The following USP20 variants were observed in gnomAD, a reference collection of about 807,000 sequenced individuals.
USP20 encodes the protein ubiquitin carboxyl-terminal hydrolase 20.
In USP20, 80 loss-of-function variants were observed where a neutral mutation model predicts 124.2. The observed-to-expected ratio is 0.64, with a 90% CI of 0.54 to 0.78. USP20 has a LOEUF of 0.78. Among genes scored for constraint, USP20 ranks in the 30% least tolerant of loss-of-function variants. The pLI, the probability that USP20 is intolerant of heterozygous loss-of-function variation, is 0.00. For missense variants in USP20, 1,043 were observed against 1,244.4 expected (o/e 0.84, Z 2.44); for synonymous variants, 481 against 512.3 (o/e 0.94, Z 0.83).
In USP20 at chr9:129,868,924, G is replaced by A. The variant is rs749069968; in HGVS notation, c.1198G>A (p.Glu400Lys). 24 of 1,612,198 alleles carry A rather than the reference G, an allele frequency of 1.5e-5. No homozygotes were observed. Among genetic ancestry groups the A allele is most frequent in the South Asian group, 8.8e-5 (8 of 90,856 alleles). ...SRPCSPVHHH[E>K]GHAKLSSSPP... ...CCCCTGCAGCCCCGTCCACCACCAC[G>A]AGGGCCATGCCAAGCTGTCTAGCAG... The change falls in exon 12 of 26, where the codon GAG becomes AAG. Residue 400 changes from glutamate to lysine, a missense_variant. Physicochemically the swap from Glu to Lys is moderately conservative, Grantham distance 56 (BLOSUM62 1). Transcript: ENST00000372429.
chr9:129,862,581 C>T (rs912228524), intron 8 of USP20, among the ~76,000 whole-genome samples: 1 of 151,294 alleles, frequency 6.6e-6, no homozygotes, highest in African/African-American at 2.4e-5. Context: ...TGACCGCACC[C>T]AATCCGTTTT....
chr9:129,879,348 C>T lies in USP20; in HGVS notation c.2513-225C>T. On this transcript the variant is annotated intron_variant, in intron 23 of 25. Transcript: ENST00000372429. The surrounding 1 kb of genome is among the most constrained non-coding windows in gnomAD (Gnocchi z 4.2). ...GGGCATGGGCCATCCACCGCAGCTCCTGCGGCCAGCACAGAGTCTGAGACC... is the reference window on the plus strand; with the variant it reads ...GGGCATGGGCCATCCACCGCAGCTCTTGCGGCCAGCACAGAGTCTGAGACC... 1 of 544,762 alleles carries T rather than the reference C, an allele frequency of 1.8e-6. No individual in the cohort carries two copies. The allele number at this position is 544,762 out of a possible 1,614,324, so 33.7% of individuals were successfully genotyped here.
intron 2 of USP20, among the ~76,000 whole-genome samples, 169 bp downstream of exon 2, chr9:129,850,093 G>A (rs1229088232): frequency 6.6e-6 from 1 of 152,020 alleles, no homozygotes; most frequent in African/African-American, 2.4e-5. Flanking sequence ...TCTGGGACTT[G>A]CTACAAAAGC....
chr9:129,863,807 G>A (rs1177761317), intron 9 of USP20, among the ~76,000 whole-genome samples: 4 of 152,178 alleles, frequency 2.6e-5, no homozygotes, highest in East Asian at 1.9e-4. Flanking sequence ...GTGTAGAAGC[G>A]GATGAAAAAC....
intron 1 of USP20, among the ~76,000 whole-genome samples, chr9:129,842,396 G>A (rs2032266596): frequency 6.6e-6 from 1 of 152,132 alleles, no homozygotes; most frequent in Admixed American, 6.5e-5. Context: ...TGAGGTTGAA[G>A]TATGGGACTC....
intron 12 of USP20, 112 bp downstream of exon 12, chr9:129,869,114 C>T (rs2033984500): frequency 2.1e-6 from 3 of 1,450,452 alleles, no homozygotes; most frequent in South Asian, 2.7e-5. Flanking sequence ...GGGCTCCTCT[C>T]AGGTACACCC....
intron 22 of USP20, among the ~76,000 whole-genome samples, chr9:129,876,719 C>T (rs534946937): frequency 3.9e-5 from 6 of 151,978 alleles, no homozygotes; most frequent in African/African-American, 1.4e-4. Context: ...AGGGCTTTTC[C>T]TGGTGGGAGG....
intron 1 of USP20, among the ~76,000 whole-genome samples, chr9:129,845,788 C>T (rs915792905): frequency 3.9e-5 from 6 of 152,112 alleles, no homozygotes; most frequent in African/African-American, 1.2e-4. Context: ...GTAGAAAATG[C>T]AGAAAAGCAA....
At chr9:129,876,673 G>C (rs1056031404) in intron 22 of USP20, among the ~76,000 whole-genome samples, 3 of 151,498 alleles carry the variant, frequency 2.0e-5, no homozygotes, top group Admixed American at 6.6e-5. Flanking sequence ...AAAGAAAGGA[G>C]TCTTCTGCGG....
chr9:129,863,664 A>ACTCCCCT (rs2033665440), intron 9 of USP20, among the ~76,000 whole-genome samples: 1 of 152,188 alleles, frequency 6.6e-6, no homozygotes, highest in Non-Finnish European at 1.5e-5. Context: ...GGGGCAGGGG[A>ACTCCCCT]GCACAGACTG....
At chr9:129,836,953 G>C (rs996393512) in intron 1 of USP20, among the ~76,000 whole-genome samples, 6 of 151,140 alleles carry the variant, frequency 4.0e-5, no homozygotes, top group African/African-American at 1.4e-4. Context: ...TCCACCAGGG[G>C]GTACTGGACA....
chr9:129,874,535 C>A (rs1430876387), intron 17 of USP20, 41 bp from the exon 18 acceptor site: 2 of 1,607,078 alleles, frequency 1.2e-6, no homozygotes, highest in African/African-American at 2.7e-5. Context: ...GGGCCCGCAT[C>A]ATTTCTTCCT....
At position 129,850,576 on chromosome 9, in the gene USP20, C is replaced by T. The variant is rs566409659; in HGVS notation, c.-17+652C>T. On this transcript the variant is annotated intron_variant, in intron 2 of 25. Transcript: ENST00000372429. ...TGACCATTTGGGACAGGGAGGGGCA[C>T]GTAAGGAGGAGTCTGGGGGTCCACC... Among the ~76,000 whole-genome samples the T allele has an allele frequency of 1.8e-4, 28 of 152,228 alleles. 1 individual carries two copies. In the East Asian group the frequency reaches 4.6e-3, roughly 25 times the overall value.
At position 129,873,530 on chromosome 9, in the gene USP20, C is replaced by T. The variant is rs1224153473; in HGVS notation, c.1694+15C>T. 1 of 1,614,158 alleles carries T rather than the reference C, an allele frequency of 6.2e-7. No individual in the cohort carries two copies. Among genetic ancestry groups the T allele is most frequent in the Admixed American group, 1.7e-5 (1 of 60,026 alleles). ...CGGTGTAAGAAGTAAGTGAGCCTTC[C>T]CCCGCCTTCTCCCTAACTGCCGTTT... On this transcript the variant is annotated intron_variant, in intron 16 of 25. Transcript: ENST00000372429.
chr9:129,874,432 G>A (rs2034282396), intron 17 of USP20, 144 bp from the exon 18 acceptor site: 1 of 1,088,676 alleles, frequency 9.2e-7, no homozygotes, highest in African/African-American at 1.6e-5. Flanking sequence ...AGCGAGCCCA[G>A]TCTGGCCCCC....
At chr9:129,880,057 G>A (rs1027371144) in intron 24 of USP20, 56 bp from the exon 25 acceptor site, 26 of 1,590,234 alleles carry the variant, frequency 1.6e-5, no homozygotes, top group Admixed American at 8.5e-5. Flanking sequence ...TGCCCAGGCC[G>A]GTGGCTTCCT....
rs759073791 is a variant in USP20 at position 129,868,177 on chromosome 9, C to T, written c.863C>T (p.Ser288Leu). The change falls in exon 11 of 26, where the codon TCG becomes TTG. Residue 288 changes from serine to leucine, a missense_variant. By Grantham distance (145) the Ser-to-Leu change is moderately radical. Transcript: ENST00000372429. ...GAAGATGAGTTCTTGTCCTGTGACT[C>T]GAGCAGTGACCGGGGTGAGGGTGAC... ...PSEDEFLSCD[S>L]SSDRGEGDGQ... is the part of the protein sequence containing the mutation. The T allele has an allele frequency of 6.8e-6, 11 of 1,613,916 alleles. No individual in the cohort carries two copies. In the Admixed American group the frequency reaches 1.0e-4, roughly 15 times the overall value.
intron 3 of USP20, among the ~76,000 whole-genome samples, chr9:129,853,828 A>C (rs947498325): frequency 6.6e-6 from 1 of 152,138 alleles, no homozygotes; most frequent in Admixed American, 6.5e-5. Context: ...GAGCACAGGA[A>C]GGTTTGCACT....
intron 24 of USP20, 72 bp from the exon 25 acceptor site, chr9:129,880,041 C>A (rs1272611629): frequency 6.4e-7 from 1 of 1,559,510 alleles, no homozygotes; most frequent in African/African-American, 1.4e-5. Flanking sequence ...CCTGCGGAGC[C>A]CCCACTGCCC....
Sources: allele counts gnomAD v4.1 joint callset (sites outside exome capture counted in the v4.1 genomes callset), GRCh38; gene constraint gnomAD v4.1.1; non-coding constraint Gnocchi (gnomAD v3.1); transcripts MANE v1.5; gene names NCBI Gene and HGNC (gene_info 2026-07-23, HGNC 2026-07-21).